The following TYSND1 variants were observed in gnomAD, a reference collection of about 807,000 sequenced individuals.
TYSND1 encodes trypsin like peroxisomal matrix peptidase 1, also known as peroxisomal leader peptide-processing protease.
A neutral mutation model predicts 37.2 loss-of-function variants in TYSND1; 30 were observed. That is an observed-to-expected ratio of 0.81 (90% CI 0.60 to 1.09). The LOEUF (loss-of-function observed/expected upper bound fraction) is 1.09. Ranked by LOEUF, TYSND1 falls within the 50% of genes least tolerant of loss-of-function variation. The probability of loss-of-function intolerance (pLI) is 0.00; values close to 1 mark genes in which losing one functional copy is unlikely to be tolerated. For missense variants in TYSND1, 806 were observed against 817.4 expected, an observed-to-expected ratio of 0.99 and a Z score of 0.17; for synonymous variants, 364 against 383.8, an observed-to-expected ratio of 0.95 and a Z score of 0.60.
At position 70,146,184 on chromosome 10, in the gene TYSND1, G is replaced by A; in HGVS notation, c.403C>T (p.Leu135=). The A allele has an allele frequency of 6.5e-7, 1 of 1,539,394 alleles. No homozygotes were observed. The highest frequency in any genetic ancestry group is 8.7e-7 in the Non-Finnish European group (1 of 1,146,974). The change falls in exon 1 of 4, where the codon CTG becomes TTG. Residue 135 remains leucine, a synonymous_variant. Transcript: ENST00000287078. ...PLQPRLPAEL[L]LLLSCPAFWA... ...AAGGCCGGGCAGCTCAGCAGCAGCA[G>A]CAGCTCAGCAGGAAGCCGGGGCTGC...
At chr10:70,145,045 G>A (rs568856011) in intron 1 of TYSND1, among the ~76,000 whole-genome samples, 1 of 152,202 alleles carries the variant, frequency 6.6e-6, no homozygotes, top group African/African-American at 2.4e-5. Context: ...TTTCAGAGGA[G>A]AAGCAGCAGG....
intron 2 of TYSND1, among the ~76,000 whole-genome samples, chr10:70,143,569 A>G (rs2072822658): frequency 6.6e-6 from 1 of 152,338 alleles, no homozygotes; most frequent in South Asian, 2.1e-4. Context: ...TGAAAGTGCC[A>G]CATGCCTCTC....
intron 2 of TYSND1, among the ~76,000 whole-genome samples, chr10:70,143,284 T>C (rs2072816089): frequency 6.6e-6 from 1 of 152,302 alleles, no homozygotes; most frequent in African/African-American, 2.4e-5. Context: ...GTGCAGGGTA[T>C]GGGGGTAAGT....
At chr10:70,143,721 C>T in intron 2 of TYSND1, 121 bp downstream of exon 2, 1 of 1,281,350 alleles carries the variant, frequency 7.8e-7, no homozygotes, top group South Asian at 1.5e-5. Flanking sequence ...GGAGGCAGGC[C>T]TCCAAGGACC....
chr10:70,141,239 C>CT (rs34072247), intron 3 of TYSND1, among the ~76,000 whole-genome samples: 169 of 126,178 alleles, frequency 1.3e-3, no homozygotes, highest in Middle Eastern at 4.4e-3. Context: ...CCATACCTGG[C>CT]TTTTTTTTTT....
intron 2 of TYSND1, 135 bp from the exon 3 acceptor site, chr10:70,142,988 G>A: frequency 9.7e-7 from 1 of 1,030,768 alleles, no homozygotes; most frequent in East Asian, 2.6e-5. Context: ...AGATACTCCT[G>A]CCTCCAGAGA....
In TYSND1 at chr10:70,138,395, A is replaced by G. The variant is rs935951899; in HGVS notation, c.*1529T>C. 1.9e-4 allele frequency: 29 copies of G among 152,262 alleles called. No homozygotes were observed. Among genetic ancestry groups the G allele is most frequent in the African/African-American group, 6.8e-4 (28 of 41,460 alleles). 9.4% of individuals were successfully genotyped at this position (152,262 alleles called of 1,614,324 possible). ...CTGGATGAAAACCAATATATATCAT[A>G]ACACCACACCCAGCATTGGCACTCA... On this transcript the variant is annotated 3_prime_UTR_variant, in exon 4 of 4. Transcript: ENST00000287078.
rs751606565 is a variant in TYSND1, at chr10:70,146,223, G to T, written c.364C>A (p.Arg122Ser). 5.5e-5 allele frequency: 83 copies of T among 1,508,740 alleles called. No homozygotes were observed. The highest frequency in any genetic ancestry group is 6.4e-5 in the South Asian group (5 of 77,932). The allele number at this position is 1,508,740 out of a possible 1,614,324, so 93.5% of individuals were successfully genotyped here. ...AGCCGGGGCTGCAGGGGACGCCCGC[G>T]GGACGGGGCAGGTGGGCCGGGCTCG... ...SLEPGPPAPS[R>S]GRPLQPRLPA... The change falls in exon 1 of 4, where the codon CGC (arginine) becomes AGC (serine). Residue 122 changes from arginine (R) to serine (S), a missense_variant. Physicochemically the swap from Arg to Ser is moderately radical, Grantham distance 110. Around this residue, in one of 3 missense-constraint regions of TYSND1, gnomAD observed 708 missense variants for 705.4 expected, o/e 1.00. Transcript: ENST00000287078.
intron 2 of TYSND1, 38 bp downstream of exon 2, chr10:70,143,804 G>A: frequency 6.2e-7 from 1 of 1,612,320 alleles, no homozygotes; most frequent in South Asian, 1.1e-5. Context: ...CCCTAGCTCA[G>A]AGGGGCCCTC....
chr10:70,139,699 G>T lies in TYSND1; in HGVS notation c.*225C>A. 1 of 538,522 alleles carries T rather than the reference G, an allele frequency of 1.9e-6. No homozygotes were observed. The highest frequency in any genetic ancestry group is 2.5e-5 in the South Asian group (1 of 39,378). 33.4% of individuals were successfully genotyped at this position (538,522 alleles called of 1,614,324 possible). A position where few individuals can be genotyped will look rare whatever the true frequency, so the allele number is the denominator to read the frequency against. Reference sequence around the variant, plus strand: ...AGTGCTAGGGGACAGAGAACTGGGGGCTCAAGAAAGCACCCCAAAACGGGC... The same window carrying T: ...AGTGCTAGGGGACAGAGAACTGGGGTCTCAAGAAAGCACCCCAAAACGGGC... On this transcript the variant is annotated 3_prime_UTR_variant, in exon 4 of 4. Coordinates refer to ENST00000287078, the MANE Select transcript of TYSND1 (RefSeq NM_173555.4).
At chr10:70,143,704 C>T in intron 2 of TYSND1, 138 bp downstream of exon 2, 1 of 1,095,426 alleles carries the variant, frequency 9.1e-7, no homozygotes, top group South Asian at 1.6e-5. Context: ...CCCACCAGCA[C>T]AAAAAGGGAG....
Position 70,146,271 on chromosome 10 carries a change from A to G in TYSND1, c.316T>C (p.Cys106Arg). ...TCGAGGCTCGCGCACTGGGGCGTGC[A>G]CAGCCCTGGGCGGCCCCGCTCCGCG... ...GGAERGRPGL[C>R]TPQCASLEPG... Residue 106 changes from cysteine to arginine, a missense_variant, in exon 1 of 4, where the codon TGC becomes CGC. Physicochemically the swap from Cys to Arg is radical, Grantham distance 180 (BLOSUM62 -3). Transcript: ENST00000287078. The G allele has an allele frequency of 6.8e-7, 1 of 1,477,680 alleles. No homozygotes were observed. The highest frequency in any genetic ancestry group is 8.9e-7 in the Non-Finnish European group (1 of 1,123,382). 91.5% of individuals were successfully genotyped at this position (1,477,680 alleles called of 1,614,324 possible).
In TYSND1 at chr10:70,146,511, G is replaced by T. The variant is rs551874180; in HGVS notation, c.76C>A (p.Gln26Lys). 9 of 1,589,922 alleles carry T rather than the reference G, an allele frequency of 5.7e-6. No homozygotes were observed. In the East Asian group the frequency reaches 1.8e-4, roughly 32 times the overall value. Residue 26 changes from glutamine to lysine, a missense_variant, in exon 1 of 4, where the codon CAG becomes AAG. By Grantham distance (53) the Gln-to-Lys change is moderately conservative. This residue lies in a region of TYSND1 where 84 missense variants were observed against 79.0 expected (regional missense o/e 1.06). Transcript: ENST00000287078. ...CAGCTCCACGGGCCCGCCTCGGGCT[G>T]TCCGGCCCGGGAGGCGCTCACCATG... is the stretch of plus-strand genomic sequence containing the variant. ...GCMVSASRAG[Q>K]PEAGPWSCSG...
intron 2 of TYSND1, among the ~76,000 whole-genome samples, chr10:70,143,069 C>T (rs532994404): frequency 1.2e-4 from 19 of 152,336 alleles, no homozygotes; most frequent in African/African-American, 4.3e-4. Flanking sequence ...ATCTGCATGA[C>T]CACTTCTGAG....
Position 70,140,046 on chromosome 10 carries a change from G to A in TYSND1, c.1579C>T (p.Gln527Ter). The change falls in exon 4 of 4, where the codon CAG becomes TAG. Residue 527 changes from glutamine (Q) to a stop codon, truncating the protein, a stop_gained. Transcript: ENST00000287078. LOFTEE classifies it high-confidence loss of function. Reference protein sequence around the residue: ...IPITVLQPALQQYSQTQDLGG... With the variant: ...IPITVLQPAL ...AGGTCTTGGGTCTGGCTGTACTGCT[G>A]CAGGGCCGGCTGGAGCACCGTGATG... The A allele has an allele frequency of 6.2e-7, 1 of 1,614,196 alleles. No homozygotes were observed. The highest frequency in any genetic ancestry group is 1.7e-4 in the Middle Eastern group (1 of 6,060).
chr10:70,146,028 G>C lies in TYSND1; in HGVS notation c.559C>G (p.Leu187Val). 3.1e-6 allele frequency: 5 copies of C among 1,601,720 alleles called. No homozygotes were observed. The highest frequency in any genetic ancestry group is 3.3e-4 in the Middle Eastern group (2 of 6,052). ...DQLRALGWFA[L>V]LGVRLGQEEV... ...TCCTGGCCTAGCCGCACGCCCAGCA[G>C]CGCAAACCAGCCCAGCGCTCTCAGT... The change falls in exon 1 of 4, where the codon CTG (leucine) becomes GTG (valine). Residue 187 changes from leucine to valine, a missense_variant. By Grantham distance (32) the Leu-to-Val change is conservative. Transcript: ENST00000287078.
chr10:70,141,556 T>C (rs1279074722), intron 3 of TYSND1, among the ~76,000 whole-genome samples: 1 of 152,192 alleles, frequency 6.6e-6, no homozygotes, highest in East Asian at 1.9e-4. Context: ...CTTTTAATTG[T>C]TTAAGGTTAC....
In TYSND1 at chr10:70,139,817, G is replaced by C; in HGVS notation, c.*107C>G. On this transcript the variant is annotated 3_prime_UTR_variant, in exon 4 of 4. Transcript: ENST00000287078. ...AGTGGGTGGAGATGAGAGGCAGCCT[G>C]GGCCCCTGCAGGGGCTGGGCCCTGA... is the stretch of plus-strand genomic sequence containing the variant. 8.9e-7 allele frequency: 1 copy of C among 1,128,322 alleles called. No individual in the cohort carries two copies. The highest frequency in any genetic ancestry group is 1.5e-5 in the South Asian group (1 of 67,238). The allele number at this position is 1,128,322 out of a possible 1,614,324, so 69.9% of individuals were successfully genotyped here.
At position 70,139,856 on chromosome 10, in the gene TYSND1, C is replaced by T. The variant is rs377182465; in HGVS notation, c.*68G>A. The stretch of plus-strand genomic sequence containing the variant: ...GCTGGGCCCTGAATCCTGAGGCCAC[C>T]GTCACCTCAACATCACTTCCTACAG... On this transcript the variant is annotated 3_prime_UTR_variant, in exon 4 of 4. Coordinates refer to ENST00000287078, the MANE Select transcript of TYSND1 (RefSeq NM_173555.4). 45 of 1,482,098 alleles carry T rather than the reference C, an allele frequency of 3.0e-5. No homozygotes were observed. Among genetic ancestry groups the T allele is most frequent in the South Asian group, 2.5e-5 (2 of 81,508 alleles). 91.8% of individuals were successfully genotyped at this position (1,482,098 alleles called of 1,614,324 possible).
Sources: gnomAD v4.1 joint callset for allele counts (sites outside exome capture counted in the v4.1 genomes callset) on GRCh38, gnomAD v4.1.1 for gene constraint, gnomAD v4.1.1 regional missense constraint, MANE v1.5 for transcripts, NCBI Gene and HGNC (gene_info 2026-07-23, HGNC 2026-07-21) for gene names.